Variants in TDRP observed in about 807,000 individuals in gnomAD.
TDRP encodes testis development-related protein.
Under a neutral mutation model 10.5 loss-of-function variants are expected in TDRP, and 12 were observed. The ratio of observed to expected loss-of-function variants is 1.15; its 90% CI spans 0.73 to 1.86. TDRP has a LOEUF of 1.86. Among genes scored for constraint, TDRP ranks in the 40% most tolerant of loss-of-function variants. TDRP has a pLI of 0.00. For synonymous variants in TDRP, 139 were observed against 95.4 expected (o/e 1.46, Z -2.67); for missense variants, 353 against 229.2 (o/e 1.54, Z -3.49).
chr8:530,874 C>T (rs183680459), intron 1 of TDRP, among the ~76,000 whole-genome samples: 2 of 152,318 alleles, frequency 1.3e-5, no homozygotes, highest in East Asian at 3.9e-4. Context: ...CCAAGAACCA[C>T]ACGCTCTCTC....
intron 1 of TDRP, among the ~76,000 whole-genome samples, chr8:528,602 A>G (rs1231927042): frequency 6.6e-6 from 1 of 151,378 alleles, no homozygotes; most frequent in Non-Finnish European, 1.5e-5. Flanking sequence ...ATAATATTAA[A>G]TAATTGTACT....
chr8:532,062 G>C (rs1009963025), intron 1 of TDRP, among the ~76,000 whole-genome samples: 1 of 152,166 alleles, frequency 6.6e-6, no homozygotes, highest in Admixed American at 6.5e-5. Flanking sequence ...AGAACAGTTA[G>C]GTGTTCAACA....
At chr8:500,206 A>C (rs1290789112) in intron 1 of TDRP, among the ~76,000 whole-genome samples, 2 of 152,232 alleles carry the variant, frequency 1.3e-5, no homozygotes, top group African/African-American at 4.8e-5. Flanking sequence ...CCTTAGTTGT[A>C]AAAAAGTGCT....
At chr8:534,270 A>C (rs1365699645) in intron 1 of TDRP, among the ~76,000 whole-genome samples, 1 of 152,236 alleles carries the variant, frequency 6.6e-6, no homozygotes, top group African/African-American at 2.4e-5. Flanking sequence ...CACAGTAGTT[A>C]TGTTGTACAA....
chr8:538,184 G>C (rs891972942), intron 1 of TDRP, among the ~76,000 whole-genome samples: 1 of 152,186 alleles, frequency 6.6e-6, no homozygotes, highest in South Asian at 2.1e-4. Flanking sequence ...AAGGAGTCTC[G>C]GGATGGGAAG....
upstream of TDRP, chr8:545,552 C>G (rs978202182): frequency 3.2e-4 from 49 of 152,226 alleles, no homozygotes; most frequent in African/African-American, 1.1e-3. Context: ...CGCTGGCGCT[C>G]AGGCCGCGGC....
intron 1 of TDRP, among the ~76,000 whole-genome samples, chr8:534,202 C>T (rs111748845): frequency 6.6e-5 from 10 of 152,140 alleles, no homozygotes; most frequent in African/African-American, 2.2e-4. Context: ...TAACTTTACA[C>T]GAGTTATTTA....
At chr8:524,259 GT>G (rs1801979804) in intron 1 of TDRP, among the ~76,000 whole-genome samples, 1 of 152,144 alleles carries the variant, frequency 6.6e-6, no homozygotes, top group Non-Finnish European at 1.5e-5. Flanking sequence ...CCCTAATACA[GT>G]GACGAAAAAC....
chr8:535,670 G>A (rs1308046166), intron 1 of TDRP, among the ~76,000 whole-genome samples: 2 of 151,976 alleles, frequency 1.3e-5, no homozygotes, highest in African/African-American at 4.8e-5. Flanking sequence ...TCTTAAAAAA[G>A]CAGAAGACAG....
At position 531,547 on chromosome 8, in the gene TDRP, G is replaced by C. The variant is rs938557205; in HGVS notation, c.108+13103C>G. ...GGTACTGAAGAATTGGTTGGTGTCA[G>C]AAGAAACCACACATACGGACACTTT... On this transcript the variant is annotated intron_variant, in intron 1 of 2. Coordinates refer to ENST00000324079, the MANE Select transcript of TDRP (RefSeq NM_001384899.1). 2.6e-5 allele frequency among the ~76,000 whole-genome samples: 4 copies of C among 152,184 alleles called. No homozygotes were observed. The East Asian group carries it at 7.7e-4, about 29-fold the overall frequency.
At position 498,511 on chromosome 8, in the gene TDRP, G is replaced by T. The variant is rs938081946; in HGVS notation, c.109-3914C>A. On this transcript the variant is annotated intron_variant, in intron 1 of 2. Transcript: ENST00000324079. ...TCTTTAAAGTAACTAACTTGTTTTT[G>T]ATTTTACAGGCTTATAGGCAGAAGG... Among the ~76,000 whole-genome samples, 23 of 152,240 alleles carry T rather than the reference G, an allele frequency of 1.5e-4. No homozygotes were observed. The East Asian group carries it at 4.3e-3, about 28-fold the overall frequency.
At chr8:528,081 A>C (rs1051484042) in intron 1 of TDRP, among the ~76,000 whole-genome samples, 1 of 152,192 alleles carries the variant, frequency 6.6e-6, no homozygotes, top group African/African-American at 2.4e-5. Flanking sequence ...TAATAATCCA[A>C]TTAAAAAATG....
intron 1 of TDRP, among the ~76,000 whole-genome samples, chr8:528,308 T>C (rs1802091157): frequency 6.6e-6 from 1 of 152,150 alleles, no homozygotes; most frequent in African/African-American, 2.4e-5. Context: ...ACACTATTGG[T>C]GGGAATGTAA....
chr8:508,285 G>A (rs991154530), intron 1 of TDRP, among the ~76,000 whole-genome samples: 2 of 152,166 alleles, frequency 1.3e-5, no homozygotes, highest in Non-Finnish European at 2.9e-5. Context: ...AAAAAATTAA[G>A]TGAACTTGAA....
At chr8:520,409 T>G (rs10088433) in intron 1 of TDRP, among the ~76,000 whole-genome samples, 2,855 of 152,314 alleles carry the variant, frequency 0.019, 43 homozygotes, top group Non-Finnish European at 0.032. Context: ...GTAATGAACA[T>G]GGGTGTGCAA....
chr8:535,248 G>C (rs1802314805), intron 1 of TDRP, among the ~76,000 whole-genome samples: 1 of 152,148 alleles, frequency 6.6e-6, no homozygotes, highest in Non-Finnish European at 1.5e-5. Context: ...TGGTTCCCAA[G>C]TCTTTGGGAG....
chr8:517,369 AC>A (rs1801784640), intron 1 of TDRP, among the ~76,000 whole-genome samples: 1 of 152,214 alleles, frequency 6.6e-6, no homozygotes, highest in African/African-American at 2.4e-5. Context: ...CTTTTCCTGA[AC>A]AAGGAGAGAT....
chr8:523,355 G>A (rs544536135), intron 1 of TDRP, among the ~76,000 whole-genome samples: 1 of 152,150 alleles, frequency 6.6e-6, no homozygotes, highest in Non-Finnish European at 1.5e-5. Context: ...TAAGATGGCT[G>A]AATGGAAGCC....
At chr8:531,071 G>A (rs1203995352) in intron 1 of TDRP, among the ~76,000 whole-genome samples, 6 of 152,130 alleles carry the variant, frequency 3.9e-5, no homozygotes, top group African/African-American at 1.4e-4. Context: ...TCAGAATGGT[G>A]GACTTCCTTT....
Sources: gnomAD v4.1 joint callset for allele counts (sites outside exome capture counted in the v4.1 genomes callset) on GRCh38, gnomAD v4.1.1 for gene constraint, MANE v1.5 for transcripts, NCBI Gene and HGNC (gene_info 2026-07-23, HGNC 2026-07-21) for gene names.